The following MMP16 variants were observed in gnomAD, a reference collection of about 807,000 sequenced individuals.
MMP16 encodes matrix metallopeptidase 16, also known as matrix metalloproteinase-16.
A neutral mutation model predicts 67.8 loss-of-function variants in MMP16; 12 were observed. The ratio of observed to expected loss-of-function variants is 0.18; its 90% CI spans 0.11 to 0.29. The LOEUF (loss-of-function observed/expected upper bound fraction) is 0.29. Among genes scored for constraint, MMP16 ranks in the 10% least tolerant of loss-of-function variants. The pLI is 1.00. For synonymous variants in MMP16, 249 were observed against 255.9 expected (o/e 0.97, Z 0.26); for missense variants, 475 against 765.7 (o/e 0.62, Z 4.48).
chr8:88,062,106 T>C (rs1903835), intron 7 of MMP16, among the ~76,000 whole-genome samples: 2 of 152,244 alleles, frequency 1.3e-5, no homozygotes, highest in African/African-American at 4.8e-5. Context: ...AGTGATAACA[T>C]TTAATTTTCT....
At chr8:88,084,850 G>A (rs1285214641) in intron 6 of MMP16, among the ~76,000 whole-genome samples, 2 of 151,826 alleles carry the variant, frequency 1.3e-5, no homozygotes, top group African/African-American at 4.8e-5. Flanking sequence ...TATTTGTGAT[G>A]GGTAAATACT....
chr8:88,040,228 C>A lies in MMP16; in HGVS notation c.*1233G>T, dbSNP rs2118181964. ...CTTAATAAAATACCTTTTTTATTTG[C>A]CAGAAAAATTTTGGCAAGTAACATC... On this transcript the variant is annotated 3_prime_UTR_variant, in exon 10 of 10. Coordinates refer to ENST00000286614, the MANE Select transcript of MMP16 (RefSeq NM_005941.5). The A allele has an allele frequency of 6.6e-6, 1 of 152,462 alleles. No homozygotes were observed. The highest frequency in any genetic ancestry group is 6.6e-5 in the Admixed American group (1 of 15,258). The allele number at this position is 152,462 out of a possible 1,614,324, so 9.4% of individuals were successfully genotyped here. A position where few individuals can be genotyped will look rare whatever the true frequency, so the allele number is the denominator to read the frequency against.
At chr8:88,246,249 G>A (rs1053697470) in intron 1 of MMP16, among the ~76,000 whole-genome samples, 1 of 152,140 alleles carries the variant, frequency 6.6e-6, no homozygotes, top group African/African-American at 2.4e-5. Flanking sequence ...TATTCATTTA[G>A]ATGACTTGTC....
chr8:88,151,079 C>A (rs1353649472), intron 4 of MMP16, among the ~76,000 whole-genome samples: 2 of 121,622 alleles, frequency 1.6e-5, no homozygotes, highest in Non-Finnish European at 3.4e-5. Context: ...TCTGATAAAA[C>A]AGACTTTAAA....
At chr8:88,269,371 C>T (rs1017603575) in intron 1 of MMP16, among the ~76,000 whole-genome samples, 3 of 152,040 alleles carry the variant, frequency 2.0e-5, no homozygotes, top group African/African-American at 7.2e-5. Flanking sequence ...TGGGGTAACA[C>T]CTTCACAGGG....
Position 88,266,473 on chromosome 8 carries a change from T to TATAA in MMP16, c.132+60601_132+60602insTTAT, listed in dbSNP as rs1221383458. Among the ~76,000 whole-genome samples, 208 of 152,328 alleles carry TATAA rather than the reference T, an allele frequency of 1.4e-3. 2 individuals are homozygous for TATAA. The highest frequency in any genetic ancestry group is 4.2e-3 in the African/African-American group (175 of 41,576). On this transcript the variant is annotated intron_variant, in intron 1 of 9. Coordinates refer to ENST00000286614, the MANE Select transcript of MMP16 (RefSeq NM_005941.5). ...CATCTGGAGTATAAATTTATCATTT[T>TATAA]ATAGATCAGATAACTTAGTGAAATT...
chr8:88,043,274 C>T (rs1286603760), intron 9 of MMP16, among the ~76,000 whole-genome samples: 1 of 152,048 alleles, frequency 6.6e-6, no homozygotes, highest in Non-Finnish European at 1.5e-5. Flanking sequence ...AGACTGGGTC[C>T]TTTACACATC....
intron 4 of MMP16, among the ~76,000 whole-genome samples, chr8:88,153,262 A>C (rs1808441179): frequency 6.6e-6 from 1 of 152,154 alleles, no homozygotes; most frequent in Non-Finnish European, 1.5e-5. Context: ...GGTAGGAAGA[A>C]TCAATATAGT....
intron 4 of MMP16, among the ~76,000 whole-genome samples, chr8:88,147,942 C>T (rs1808322551): frequency 6.6e-6 from 1 of 152,120 alleles, no homozygotes; most frequent in Non-Finnish European, 1.5e-5. Context: ...TCTGGGACTC[C>T]AATTGTATTA....
intron 4 of MMP16, among the ~76,000 whole-genome samples, chr8:88,125,847 G>A (rs1807922129): frequency 6.6e-6 from 1 of 151,592 alleles, no homozygotes; most frequent in South Asian, 2.1e-4. Flanking sequence ...TTTTTCCCTG[G>A]ATAGCTCAGT....
chr8:88,166,729 A>T (rs939396102), intron 4 of MMP16, among the ~76,000 whole-genome samples: 9 of 124,190 alleles, frequency 7.2e-5, no homozygotes, highest in African/African-American at 2.7e-4. Context: ...ATATATATAT[A>T]TTCTTAATTT....
At chr8:88,077,947 G>C (rs1808678391) in intron 6 of MMP16, among the ~76,000 whole-genome samples, 1 of 152,104 alleles carries the variant, frequency 6.6e-6, no homozygotes, top group East Asian at 1.9e-4. Context: ...CATAAGTTTG[G>C]TTTTTGTTTT....
At chr8:88,045,626 A>G (rs1429379771) in intron 9 of MMP16, among the ~76,000 whole-genome samples, 3 of 152,082 alleles carry the variant, frequency 2.0e-5, no homozygotes, top group Non-Finnish European at 4.4e-5. Flanking sequence ...TCAGCCTCCC[A>G]GGTGTGAGCC....
chr8:88,186,484 G>A lies in MMP16; in HGVS notation c.396C>T (p.Ile132=), dbSNP rs1394074819. ...ATCGTGAGTTCTTATACCTGTAAGT[G>A]ATGTGCTTGTGCTGCCATTTCTGTC... is the stretch of plus-strand genomic sequence containing the variant. ...LTGQKWQHKH[I]TYSIKNVTPK... Residue 132 remains isoleucine (I), a synonymous_variant, in exon 3 of 10, where the codon ATC becomes ATT. Coordinates refer to ENST00000286614, the MANE Select transcript of MMP16 (RefSeq NM_005941.5). 1.2e-6 allele frequency: 2 copies of A among 1,612,302 alleles called. No homozygotes were observed. Among genetic ancestry groups the A allele is most frequent in the Admixed American group, 3.3e-5 (2 of 59,840 alleles).
At chr8:88,047,785 G>T (rs1808217730) in intron 8 of MMP16, among the ~76,000 whole-genome samples, 1 of 152,208 alleles carries the variant, frequency 6.6e-6, no homozygotes, top group South Asian at 2.1e-4. Flanking sequence ...GAACAGAGAA[G>T]CTTAAACTTA....
At chr8:88,262,169 TA>T (rs780549317) in intron 1 of MMP16, among the ~76,000 whole-genome samples, 1 of 152,154 alleles carries the variant, frequency 6.6e-6, no homozygotes, top group Non-Finnish European at 1.5e-5. Context: ...AACAAAATTA[TA>T]AAACATACTC....
At chr8:88,300,710 G>A (rs1811084340) in intron 1 of MMP16, among the ~76,000 whole-genome samples, 1 of 152,118 alleles carries the variant, frequency 6.6e-6, no homozygotes, top group Admixed American at 6.6e-5. Context: ...GCATCTACTA[G>A]GGAACTTATC....
chr8:88,073,837 T>C (rs1808602059), intron 7 of MMP16, among the ~76,000 whole-genome samples: 1 of 152,132 alleles, frequency 6.6e-6, no homozygotes, highest in Non-Finnish European at 1.5e-5. Flanking sequence ...GGCTCTTGGG[T>C]AATATGTTCA....
chr8:88,314,455 C>T (rs1176033038), intron 1 of MMP16, among the ~76,000 whole-genome samples: 1 of 152,084 alleles, frequency 6.6e-6, no homozygotes, highest in Admixed American at 6.6e-5. Flanking sequence ...CTGTTGGGTG[C>T]TGGGTATTTC....
Sources: allele counts gnomAD v4.1 joint callset (sites outside exome capture counted in the v4.1 genomes callset), GRCh38; gene constraint gnomAD v4.1.1; transcripts MANE v1.5; gene names NCBI Gene and HGNC (gene_info 2026-07-23, HGNC 2026-07-21).